THBS4: variants seen among roughly 807,000 people sequenced by gnomAD.
The protein encoded by THBS4 is thrombospondin 4.
Under a neutral mutation model 115.7 loss-of-function variants are expected in THBS4, and 90 were observed. That is an observed-to-expected ratio of 0.78 (90% CI 0.66 to 0.93). The LOEUF (loss-of-function observed/expected upper bound fraction) is 0.93, where lower values mean the gene tolerates loss of function less well. THBS4 is among the 40% of genes least tolerant of loss of function. The probability of loss-of-function intolerance (pLI) is 0.00; values close to 1 mark genes in which losing one functional copy is unlikely to be tolerated. For missense variants in THBS4, 1,087 were observed against 1,232.7 expected (o/e 0.88, Z 1.77); for synonymous variants, 460 against 479.3 (o/e 0.96, Z 0.53).
chr5:79,992,301 T>C (rs1317568041), intron 1 of THBS4, among the ~76,000 whole-genome samples: 1 of 152,236 alleles, frequency 6.6e-6, no homozygotes, highest in Non-Finnish European at 1.5e-5. Flanking sequence ...GTAGTCTTTC[T>C]GGGACACCCT....
At chr5:80,017,276 A>T (rs1226564904) in intron 2 of THBS4, among the ~76,000 whole-genome samples, 1 of 152,182 alleles carries the variant, frequency 6.6e-6, no homozygotes, top group African/African-American at 2.4e-5. Flanking sequence ...TCTGAAAGAA[A>T]TTTTTTATTT....
At chr5:80,064,988 C>T (rs908492514) in intron 8 of THBS4, among the ~76,000 whole-genome samples, 32 of 151,298 alleles carry the variant, frequency 2.1e-4, no homozygotes, top group African/African-American at 7.1e-4. Flanking sequence ...CAAGAAAGTT[C>T]GATATTCATC....
At position 80,059,481 on chromosome 5, in the gene THBS4, C is replaced by T. The variant is rs759297357; in HGVS notation, c.774C>T (p.Cys258=). ...TTTTGCGAAACACCATAGCTGAATG[C>T]CAGGCTTGCGGTAAGTGCTTTTCTA... ...TSFLRNTIAE[C]QACGPLKFQS... is the part of the protein sequence containing the mutation. The change falls in exon 6 of 22, where the codon TGC becomes TGT. Residue 258 remains cysteine (C), a synonymous_variant. Coordinates refer to ENST00000350881, the MANE Select transcript of THBS4 (RefSeq NM_003248.6). 1.2e-5 allele frequency: 20 copies of T among 1,613,894 alleles called. No individual in the cohort carries two copies. In the Admixed American group the frequency reaches 2.3e-4, roughly 19 times the overall value.
chr5:80,020,774 C>G (rs1430435472), intron 2 of THBS4, among the ~76,000 whole-genome samples: 2 of 152,154 alleles, frequency 1.3e-5, no homozygotes, highest in Non-Finnish European at 2.9e-5. Context: ...CTACCCTGAG[C>G]TTTTCTCCTC....
rs749676191 is a variant in THBS4, at chr5:80,078,899, ACTCC to A, written c.2266-18_2266-15del. ...CTTGGCCCCTTCAAGACTGTTCTGA[ACTCC>A]CTCAACTCTCTCTGCAGGGCATGGA... is the stretch of plus-strand genomic sequence containing the variant. On this transcript the variant is annotated intron_variant, in intron 17 of 21. Transcript: ENST00000350881. 1 of 1,611,418 alleles carries A rather than the reference ACTCC, an allele frequency of 6.2e-7. No homozygotes were observed. Among genetic ancestry groups the A allele is most frequent in the South Asian group, 1.1e-5 (1 of 90,818 alleles).
intron 20 of THBS4, 167 bp from the exon 21 acceptor site, chr5:80,082,239 G>A: frequency 1.2e-6 from 1 of 828,586 alleles, no homozygotes; most frequent in Non-Finnish European, 1.9e-6. Context: ...AGTCTAGTAA[G>A]TAAGTGGCAA....
At chr5:80,074,626 C>CTTTTTT (rs35937190) in intron 15 of THBS4, among the ~76,000 whole-genome samples, 1 of 142,526 alleles carries the variant, frequency 7.0e-6, no homozygotes, top group African/African-American at 2.6e-5. Context: ...CTCTCTCTCT[C>CTTTTTT]TTTTTTTTTT....
At chr5:80,054,010 A>T (rs1833336445) in intron 2 of THBS4, among the ~76,000 whole-genome samples, 1 of 152,226 alleles carries the variant, frequency 6.6e-6, no homozygotes, top group Non-Finnish European at 1.5e-5. Flanking sequence ...TAAAAAAACA[A>T]GGCTGAAAAC....
intron 1 of THBS4, among the ~76,000 whole-genome samples, chr5:80,038,978 G>A (rs535414021): frequency 1.3e-5 from 2 of 152,254 alleles, no homozygotes; most frequent in South Asian, 4.2e-4. Flanking sequence ...GTTTAAGTTA[G>A]CAACTCCTGC....
At chr5:80,069,976 G>A (rs1048647660) in intron 10 of THBS4, among the ~76,000 whole-genome samples, 14 of 151,976 alleles carry the variant, frequency 9.2e-5, no homozygotes, top group African/African-American at 2.9e-4. Flanking sequence ...TTTACCTCCC[G>A]TCCCAGGTCA....
intron 2 of THBS4, chr5:80,019,884 G>A: frequency 6.2e-6 from 1 of 161,718 alleles, no homozygotes; most frequent in Middle Eastern, 1.1e-3. Flanking sequence ...TGTGCCTGTT[G>A]GACAACAGAC....
intron 21 of THBS4, 47 bp downstream of exon 21, chr5:80,082,592 CA>C (rs1219364234): frequency 3.1e-6 from 5 of 1,605,274 alleles, no homozygotes; most frequent in Non-Finnish European, 2.6e-6. Flanking sequence ...TAGAATTAGT[CA>C]AACACTGCCA....
intron 2 of THBS4, among the ~76,000 whole-genome samples, chr5:80,047,166 A>C (rs1561307871): frequency 6.6e-6 from 1 of 152,192 alleles, no homozygotes. Context: ...CTGTGATGCA[A>C]CTGTTTATAA....
In THBS4 at chr5:80,055,886, A is replaced by G; in HGVS notation, c.394A>G (p.Ser132Gly). The G allele has an allele frequency of 6.2e-7, 1 of 1,614,186 alleles. No individual in the cohort carries two copies. Among genetic ancestry groups the G allele is most frequent in the South Asian group, 1.1e-5 (1 of 91,086 alleles). ...GRRHRILLRL[S>G]NLQRGAGSLE... ...GCGGCACAGGATCCTCCTGAGGCTGAGCAATTTGCAGCGAGGGGCCGGCTC... is the reference window on the plus strand; with the variant it reads ...GCGGCACAGGATCCTCCTGAGGCTGGGCAATTTGCAGCGAGGGGCCGGCTC... Residue 132 changes from serine (S) to glycine (G), a missense_variant, in exon 3 of 22, where the codon AGC becomes GGC. Physicochemically the swap from Ser to Gly is moderately conservative, Grantham distance 56. This residue lies in a region of THBS4 where 979 missense variants were observed against 1,103.7 expected (regional missense o/e 0.89). Transcript: ENST00000350881.
In THBS4 at chr5:80,035,663, C is replaced by G. The variant is rs911840148; in HGVS notation, c.88+38C>G. ...GGGTCGGGCCTGGGAGCGCCGGGCA[C>G]CGGGTGCCCCATCTGCTGAGTGAGT... On this transcript the variant is annotated intron_variant, in intron 1 of 21. Coordinates refer to ENST00000350881, the MANE Select transcript of THBS4 (RefSeq NM_003248.6). The surrounding 1 kb of genome is among the most constrained non-coding windows in gnomAD (Gnocchi z 4.6). 7.8e-7 allele frequency: 1 copy of G among 1,283,436 alleles called. No individual in the cohort carries two copies. The highest frequency in any genetic ancestry group is 9.9e-7 in the Non-Finnish European group (1 of 1,006,946). 79.5% of individuals were successfully genotyped at this position (1,283,436 alleles called of 1,614,324 possible).
At chr5:80,038,705 C>T (rs1832795711) in intron 1 of THBS4, among the ~76,000 whole-genome samples, 1 of 152,140 alleles carries the variant, frequency 6.6e-6, no homozygotes, top group Non-Finnish European at 1.5e-5. Flanking sequence ...CCACTAGTGT[C>T]TAATATTCTT....
At chr5:80,026,716 T>G (rs1832484027) in intron 2 of THBS4, among the ~76,000 whole-genome samples, 2 of 152,230 alleles carry the variant, frequency 1.3e-5, no homozygotes, top group South Asian at 4.1e-4. Context: ...CTTAGCTCAC[T>G]GATCCTATAA....
At chr5:79,995,972 TA>T (rs34667223) in intron 1 of THBS4, among the ~76,000 whole-genome samples, 88 of 143,030 alleles carry the variant, frequency 6.2e-4, no homozygotes, top group Admixed American at 1.0e-3. Context: ...CAATCTCTAC[TA>T]AAAAAAAAAA....
chr5:80,059,392 T>G, intron 5 of THBS4, 48 bp from the exon 6 acceptor site: 1 of 1,551,136 alleles, frequency 6.4e-7, no homozygotes, highest in Non-Finnish European at 8.9e-7. Flanking sequence ...TCCTGGATGA[T>G]ATCAGGCATT....
Sources: gnomAD v4.1 joint callset for allele counts (sites outside exome capture counted in the v4.1 genomes callset) on GRCh38, gnomAD v4.1.1 for gene constraint, gnomAD v4.1.1 regional missense constraint, Gnocchi (gnomAD v3.1) non-coding constraint, MANE v1.5 for transcripts, NCBI Gene and HGNC (gene_info 2026-07-23, HGNC 2026-07-21) for gene names.